The following ANKRD44 variants were observed in gnomAD, a reference collection of about 807,000 sequenced individuals.
ANKRD44 encodes the protein serine/threonine-protein phosphatase 6 regulatory ankyrin repeat subunit B.
A neutral mutation model predicts 116.0 loss-of-function variants in ANKRD44; 35 were observed. The observed-to-expected ratio is 0.30, with a 90% CI of 0.23 to 0.40. The LOEUF (loss-of-function observed/expected upper bound fraction) is 0.40. Ranked by LOEUF, ANKRD44 falls within the 10% of genes least tolerant of loss-of-function variation. ANKRD44 has a pLI of 1.00. For synonymous variants in ANKRD44, 435 were observed against 461.8 expected, an observed-to-expected ratio of 0.94 and a Z score of 0.74; for missense variants, 1,014 against 1,242.6, an observed-to-expected ratio of 0.82 and a Z score of 2.77.
rs1338579985 is a variant in ANKRD44, at chr2:197,310,644, G to A, written c.-40C>T. 8 of 1,336,258 alleles carry A rather than the reference G, an allele frequency of 6.0e-6. No homozygotes were observed. The highest frequency in any genetic ancestry group is 1.5e-5 in the South Asian group (1 of 68,722). 82.8% of individuals were successfully genotyped at this position (1,336,258 alleles called of 1,614,324 possible). ...GCGCGCACACACATGCAGGTCCCCG[G>A]CCCGCAGATGTCACGCCGGGAGCCG... is the stretch of plus-strand genomic sequence containing the variant. On this transcript the variant is annotated 5_prime_UTR_variant, in exon 1 of 28. Transcript: ENST00000282272.
intron 9 of ANKRD44, among the ~76,000 whole-genome samples, chr2:197,101,640 G>A (rs1353902326): frequency 1.3e-5 from 2 of 152,118 alleles, no homozygotes; most frequent in East Asian, 1.9e-4. Context: ...TGGTTAAGGT[G>A]GTGTCTGTCA....
At chr2:197,084,218 T>A (rs897739973) in intron 13 of ANKRD44, among the ~76,000 whole-genome samples, 4 of 152,150 alleles carry the variant, frequency 2.6e-5, no homozygotes, top group Non-Finnish European at 2.9e-5. Context: ...CCCAATAGGA[T>A]AACCAAACTG....
chr2:197,203,934 GCAGTTAC>G lies in ANKRD44; in HGVS notation c.28-16835_28-16829del, dbSNP rs1370893680. On this transcript the variant is annotated intron_variant, in intron 1 of 27. Coordinates refer to ENST00000282272, the MANE Select transcript of ANKRD44 (RefSeq NM_001195144.2). The surrounding 1 kb of genome is among the most constrained non-coding windows in gnomAD (Gnocchi z 4.1). Reference sequence around the variant, plus strand: ...ACACATAGAAACAGAAAGCTGATTAGCAGTTACCAGGGATCGGGAGGGAACGGGAAGT... The same window carrying G: ...ACACATAGAAACAGAAAGCTGATTAGCAGGGATCGGGAGGGAACGGGAAGT... Among the ~76,000 whole-genome samples, 1 of 152,194 alleles carries G rather than the reference GCAGTTAC, an allele frequency of 6.6e-6. No homozygotes were observed. The highest frequency in any genetic ancestry group is 6.5e-5 in the Admixed American group (1 of 15,276).
chr2:197,278,819 T>C lies in ANKRD44; in HGVS notation c.27+31759A>G, dbSNP rs189722038. Among the ~76,000 whole-genome samples the C allele has an allele frequency of 1.3e-3, 195 of 152,238 alleles. 1 individual carries two copies. Among genetic ancestry groups the C allele is most frequent in the African/African-American group, 4.6e-3 (190 of 41,540 alleles). ...CGCCAGCAAGCAAGTGCCTCAAATC[T>C]CTGAGGCAGAGACTTTTCGCTTTGG... is the stretch of plus-strand genomic sequence containing the variant. On this transcript the variant is annotated intron_variant, in intron 1 of 27. Transcript: ENST00000282272.
intron 1 of ANKRD44, among the ~76,000 whole-genome samples, chr2:197,225,816 G>A (rs1256781981): frequency 1.4e-4 from 21 of 152,292 alleles, no homozygotes; most frequent in South Asian, 2.1e-4. Context: ...GATATGGGGT[G>A]GAAATTGCTG....
chr2:197,263,696 T>A, intron 1 of ANKRD44, among the ~76,000 whole-genome samples: 1 of 151,510 alleles, frequency 6.6e-6, no homozygotes, highest in African/African-American at 2.4e-5. Flanking sequence ...AAAAAAAAGG[T>A]GTCAAGTTTG....
At chr2:197,035,638 C>T (rs1574321946) in intron 16 of ANKRD44, among the ~76,000 whole-genome samples, 1 of 152,142 alleles carries the variant, frequency 6.6e-6, no homozygotes, top group East Asian at 1.9e-4. Flanking sequence ...CAGGCCAGGG[C>T]CCCTGGAAAG....
At chr2:197,019,859 C>G (rs576076636) in intron 17 of ANKRD44, among the ~76,000 whole-genome samples, 1 of 150,804 alleles carries the variant, frequency 6.6e-6, no homozygotes, top group African/African-American at 2.4e-5. Flanking sequence ...TGCAGTGGTG[C>G]CATCTTGGCT....
intron 1 of ANKRD44, among the ~76,000 whole-genome samples, chr2:197,269,684 C>T (rs1351301039): frequency 6.6e-6 from 1 of 152,092 alleles, no homozygotes; most frequent in Non-Finnish European, 1.5e-5. Flanking sequence ...CCACCTACTA[C>T]CTGCCAAACC....
chr2:197,228,762 G>A (rs1163214950), intron 1 of ANKRD44, among the ~76,000 whole-genome samples: 2 of 152,214 alleles, frequency 1.3e-5, no homozygotes, highest in Admixed American at 6.5e-5. Flanking sequence ...ACAGCCTGGC[G>A]CGGAGGCTCA....
At position 196,999,518 on chromosome 2, in the gene ANKRD44, T is replaced by C. The variant is rs187719683; in HGVS notation, c.2520-466A>G. Among the ~76,000 whole-genome samples, 5 of 152,178 alleles carry C rather than the reference T, an allele frequency of 3.3e-5. No individual in the cohort carries two copies. The East Asian group carries it at 5.8e-4, about 18-fold the overall frequency. On this transcript the variant is annotated intron_variant, in intron 23 of 27. Coordinates refer to ENST00000282272, the MANE Select transcript of ANKRD44 (RefSeq NM_001195144.2). ...CAACCCTTTAACCAAGAAATCCACTTCTAGGTATTTATCTCTCAGATACAC... is the reference window on the plus strand; with the variant it reads ...CAACCCTTTAACCAAGAAATCCACTCCTAGGTATTTATCTCTCAGATACAC...
At chr2:197,290,796 T>C (rs1365917378) in intron 1 of ANKRD44, among the ~76,000 whole-genome samples, 1 of 149,072 alleles carries the variant, frequency 6.7e-6, no homozygotes, top group Non-Finnish European at 1.5e-5. Context: ...TTTTTTTGTT[T>C]GTTTGTTTTT....
intron 1 of ANKRD44, among the ~76,000 whole-genome samples, chr2:197,252,529 C>A (rs1227631352): frequency 6.6e-6 from 1 of 152,114 alleles, no homozygotes; most frequent in Non-Finnish European, 1.5e-5. Context: ...GCCTCAGCCT[C>A]CCGAGTAGCT....
intron 16 of ANKRD44, among the ~76,000 whole-genome samples, chr2:197,025,469 A>T (rs11885551): frequency 0.083 from 12,631 of 152,276 alleles, 691 homozygotes; most frequent in African/African-American, 0.15. Context: ...CCAGAAAAAT[A>T]ATTCATCTTA....
chr2:196,974,839 G>A (rs2075745422), intron 21 of ANKRD44, among the ~76,000 whole-genome samples: 1 of 151,618 alleles, frequency 6.6e-6, no homozygotes, highest in African/African-American at 2.4e-5. Flanking sequence ...GCAGTGAGCT[G>A]AGGTCATGCC....
intron 16 of ANKRD44, among the ~76,000 whole-genome samples, chr2:197,054,861 G>C (rs1292162231): frequency 6.6e-6 from 1 of 152,188 alleles, no homozygotes; most frequent in Non-Finnish European, 1.5e-5. Context: ...ATATGGGAGA[G>C]ATATGGTCCC....
intron 21 of ANKRD44, among the ~76,000 whole-genome samples, chr2:197,002,654 G>A (rs2076134142): frequency 1.3e-5 from 2 of 152,192 alleles, no homozygotes; most frequent in African/African-American, 4.8e-5. Flanking sequence ...GACAGATCTT[G>A]CTGCCTGGTA....
intron 1 of ANKRD44, among the ~76,000 whole-genome samples, chr2:197,208,129 T>C (rs889762791): frequency 6.6e-5 from 10 of 152,234 alleles, no homozygotes; most frequent in Admixed American, 6.5e-4. Context: ...ATTTGTTACG[T>C]ATTTTAGACA....
rs377559267 is a variant in ANKRD44 at position 197,175,045 on chromosome 2, G to A, written c.111+11978C>T. Among the ~76,000 whole-genome samples, 5 of 152,092 alleles carry A rather than the reference G, an allele frequency of 3.3e-5. No homozygotes were observed. In the East Asian group the frequency reaches 9.6e-4, roughly 29 times the overall value. ...TGTTAACATTTATTCTTAGTGGTGG[G>A]CTCTTGTTGTTTTTTGAAAGTTTGA... is the stretch of plus-strand genomic sequence containing the variant. On this transcript the variant is annotated intron_variant, in intron 2 of 27. Coordinates refer to ENST00000282272, the MANE Select transcript of ANKRD44 (RefSeq NM_001195144.2).
Sources: allele counts gnomAD v4.1 joint callset (sites outside exome capture counted in the v4.1 genomes callset), GRCh38; gene constraint gnomAD v4.1.1; non-coding constraint Gnocchi (gnomAD v3.1); transcripts MANE v1.5; gene names NCBI Gene and HGNC (gene_info 2026-07-23, HGNC 2026-07-21).